Variants in DNAH7 observed in about 807,000 individuals in gnomAD.
DNAH7 encodes the protein axonemal beta dynein heavy chain 7.
DNAH7 carries 397 observed loss-of-function variants against 444.6 expected under a neutral mutation model. The ratio of observed to expected loss-of-function variants is 0.89; its 90% CI spans 0.82 to 0.97. The LOEUF (loss-of-function observed/expected upper bound fraction) is 0.97, where lower values mean the gene tolerates loss of function less well. Ranked by LOEUF, DNAH7 falls within the 50% of genes least tolerant of loss-of-function variation. The pLI is 0.00. For synonymous variants in DNAH7, 1,636 were observed against 1,624.4 expected (o/e 1.01, Z -0.17); for missense variants, 4,902 against 4,800.8 (o/e 1.02, Z -0.62).
intron 49 of DNAH7, among the ~76,000 whole-genome samples, chr2:195,822,460 T>C (rs1176579994): frequency 2.0e-5 from 3 of 152,222 alleles, no homozygotes; most frequent in Admixed American, 2.0e-4. Flanking sequence ...AAAAGGATTA[T>C]ACCAGCACGA....
intron 27 of DNAH7, chr2:195,904,336 A>C (rs958675959): frequency 1.3e-5 from 2 of 149,958 alleles, no homozygotes; most frequent in Non-Finnish European, 2.9e-5. Context: ...TGAATTTGTC[A>C]GACAGGAAAG....
chr2:196,047,604 T>C, intron 4 of DNAH7, 105 bp from the exon 5 acceptor site: 1 of 1,030,036 alleles, frequency 9.7e-7, no homozygotes, highest in Non-Finnish European at 1.3e-6. Flanking sequence ...AATAAAAAAT[T>C]ACATTATCAA....
intron 27 of DNAH7, chr2:195,901,713 G>C (rs1686721513): frequency 6.6e-6 from 1 of 152,004 alleles, no homozygotes; most frequent in African/African-American, 2.4e-5. Context: ...TCCATTTTGA[G>C]ATATTTTTAA....
At chr2:196,002,693 C>T (rs73042570) in intron 10 of DNAH7, among the ~76,000 whole-genome samples, 9,990 of 152,074 alleles carry the variant, frequency 0.066, 437 homozygotes, top group African/African-American at 0.12. Flanking sequence ...ATACTAGGAA[C>T]AGTGTTGTAG....
intron 10 of DNAH7, among the ~76,000 whole-genome samples, chr2:196,003,162 CAA>C (rs796806394): frequency 2.3e-4 from 27 of 118,678 alleles, no homozygotes; most frequent in Non-Finnish European, 2.9e-4. Flanking sequence ...GCAATTTCAC[CAA>C]AAAAAAAAAA....
chr2:196,013,820 T>C (rs1694854619), intron 9 of DNAH7, among the ~76,000 whole-genome samples: 1 of 152,230 alleles, frequency 6.6e-6, no homozygotes, highest in Admixed American at 6.5e-5. Context: ...CTGATCTCTT[T>C]AGCTTCCTAG....
chr2:196,031,043 G>A (rs1696024432), intron 5 of DNAH7, among the ~76,000 whole-genome samples: 2 of 152,228 alleles, frequency 1.3e-5, no homozygotes, highest in Admixed American at 1.3e-4. Flanking sequence ...TATATCAGAG[G>A]TTGTCCATGA....
At chr2:195,777,751 A>C (rs985115065) in intron 59 of DNAH7, 49 bp downstream of exon 59, 2 of 1,545,504 alleles carry the variant, frequency 1.3e-6, no homozygotes, top group South Asian at 2.4e-5. Flanking sequence ...TCACTACCAA[A>C]ATAATTTCAT....
chr2:195,834,432 C>G, intron 47 of DNAH7, 72 bp from the exon 48 acceptor site: 1 of 1,425,098 alleles, frequency 7.0e-7, no homozygotes, highest in Non-Finnish European at 9.3e-7. Flanking sequence ...ATGTTCACAT[C>G]ACAGGTCACT....
chr2:195,899,335 G>C lies in DNAH7; in HGVS notation c.4548+947C>G, dbSNP rs535435225. The stretch of plus-strand genomic sequence containing the variant: ...AAAGAATGATAGGATTCATTTGCAG[G>C]ATTCATTTGCTGCATAACTTTAATA... On this transcript the variant is annotated intron_variant, in intron 28 of 64. Transcript: ENST00000312428. Among the ~76,000 whole-genome samples the C allele has an allele frequency of 3.3e-5, 5 of 152,264 alleles. No individual in the cohort carries two copies. The East Asian group carries it at 5.8e-4, about 18-fold the overall frequency.
intron 8 of DNAH7, among the ~76,000 whole-genome samples, chr2:196,019,838 C>T (rs978924084): frequency 6.6e-6 from 1 of 152,072 alleles, no homozygotes; most frequent in African/African-American, 2.4e-5. Flanking sequence ...ACAGTTAACC[C>T]TTGAATAACA....
chr2:195,778,618 G>GGAAAAAAA lies in DNAH7; in HGVS notation c.10879-634_10879-633insTTTTTTTC, dbSNP rs1365539221. On this transcript the variant is annotated intron_variant, in intron 58 of 64. Transcript: ENST00000312428. ...TGGGTGACAGAGCAAGACCCTGTCT[G>GGAAAAAAA]AAAAAAAAAAAAAATAAATAAATAA... 8.3e-4 allele frequency among the ~76,000 whole-genome samples: 18 copies of GGAAAAAAA among 21,768 alleles called. 1 individual carries two copies. Among genetic ancestry groups the GGAAAAAAA allele is most frequent in the African/African-American group, 1.6e-3 (8 of 4,958 alleles). The allele number at this position is 21,768 out of a possible 152,430, so 14.3% of individuals were successfully genotyped here.
At position 195,972,290 on chromosome 2, in the gene DNAH7, G is replaced by C. The variant is rs1351961733; in HGVS notation, c.2010C>G (p.His670Gln). 4 of 1,613,944 alleles carry C rather than the reference G, an allele frequency of 2.5e-6. No individual in the cohort carries two copies. The highest frequency in any genetic ancestry group is 3.4e-6 in the Non-Finnish European group (4 of 1,179,934). Reference sequence around the variant, plus strand: ...CTATTTTCTCTTTAATGATTTTCCTGTGTTCTTCAAAAATTTCTCCCATCC... The same window carrying C: ...CTATTTTCTCTTTAATGATTTTCCTCTGTTCTTCAAAAATTTCTCCCATCC... ...YGRMGEIFEE[H>Q]RKIIKEKIEQ... The change falls in exon 16 of 65, where the codon CAC (histidine) becomes CAG (glutamine). Residue 670 changes from histidine (H) to glutamine (Q), a missense_variant. Transcript: ENST00000312428.
chr2:195,984,850 G>T, intron 14 of DNAH7, 140 bp from the exon 15 acceptor site: 2 of 714,334 alleles, frequency 2.8e-6, no homozygotes, highest in Non-Finnish European at 4.6e-6. Flanking sequence ...ATAATTAAAA[G>T]CAAATTTGCA....
chr2:195,882,835 C>T (rs993025901), intron 35 of DNAH7, among the ~76,000 whole-genome samples: 1 of 152,112 alleles, frequency 6.6e-6, no homozygotes, highest in Non-Finnish European at 1.5e-5. Context: ...ACATGCTGGT[C>T]CCCCCACCCC....
chr2:195,907,452 G>A (rs1442617082), intron 25 of DNAH7, among the ~76,000 whole-genome samples: 6 of 151,986 alleles, frequency 3.9e-5, no homozygotes, highest in Non-Finnish European at 7.4e-5. Flanking sequence ...CCTAGTTTGC[G>A]GTCCTAACCC....
chr2:195,888,201 A>T, intron 33 of DNAH7, 57 bp downstream of exon 33: 1 of 1,379,996 alleles, frequency 7.2e-7, no homozygotes, highest in Non-Finnish European at 1.0e-6. Context: ...ATTGATATGT[A>T]AGTCTAATTT....
intron 54 of DNAH7, among the ~76,000 whole-genome samples, chr2:195,803,832 A>C (rs1696585885): frequency 1.3e-5 from 2 of 152,188 alleles, no homozygotes; most frequent in Admixed American, 1.3e-4. Flanking sequence ...TCATTTTGTA[A>C]ATGGACTCAA....
At chr2:195,842,423 G>A (rs1204841724) in intron 47 of DNAH7, among the ~76,000 whole-genome samples, 1 of 152,076 alleles carries the variant, frequency 6.6e-6, no homozygotes, top group African/African-American at 2.4e-5. Flanking sequence ...CTCAATATTA[G>A]ATACTATCGT....
Sources: allele counts gnomAD v4.1 joint callset (sites outside exome capture counted in the v4.1 genomes callset), GRCh38; gene constraint gnomAD v4.1.1; transcripts MANE v1.5; gene names NCBI Gene and HGNC (gene_info 2026-07-23, HGNC 2026-07-21).